Variants in CHLSN observed in about 807,000 individuals in gnomAD.
CHLSN encodes the protein cholesin, also known as protein cholesin.
At chr7:1,002,035 G>T in the CHLSN span, among the ~76,000 whole-genome samples, 1 of 124,282 alleles carries the variant, frequency 8.0e-6, no homozygotes. Flanking sequence ...GGAGTCCTGT[G>T]GGTTAGTGGA....
chr7:1,028,285 G>A, the CHLSN span: 6 of 1,068,742 alleles, frequency 5.6e-6, no homozygotes, highest in African/African-American at 3.4e-5. Context: ...GGTCCCGCGG[G>A]CACGGACGGC....
At chr7:1,044,568 C>A in the CHLSN span, 2 of 150,892 alleles carry the variant, frequency 1.3e-5, no homozygotes, top group African/African-American at 4.8e-5. Context: ...ACACAGGGCC[C>A]GGGCGGCGTG....
the CHLSN span, among the ~76,000 whole-genome samples, chr7:1,048,090 G>A: frequency 6.6e-6 from 1 of 152,140 alleles, no homozygotes; most frequent in African/African-American, 2.4e-5. Context: ...GGGTTCCCGG[G>A]GGTACTGATG....
At chr7:980,654 G>A in the CHLSN span, among the ~76,000 whole-genome samples, 7 of 151,418 alleles carry the variant, frequency 4.6e-5, no homozygotes, top group African/African-American at 1.7e-4. Context: ...AGCCGTTAGA[G>A]GAGTACTGTT....
the CHLSN span, among the ~76,000 whole-genome samples, chr7:1,060,378 G>A: frequency 1.3e-5 from 2 of 152,138 alleles, no homozygotes; most frequent in Non-Finnish European, 2.9e-5. Context: ...TTCTGAAGAC[G>A]GGCGATGTGG....
chr7:1,006,994 CT>C, the CHLSN span, among the ~76,000 whole-genome samples: 4 of 152,228 alleles, frequency 2.6e-5, no homozygotes, highest in Non-Finnish European at 5.9e-5. Context: ...TGTGGGGATG[CT>C]GCCCAGCCTG....
chr7:1,066,326 C>T, the CHLSN span, among the ~76,000 whole-genome samples: 1 of 152,226 alleles, frequency 6.6e-6, no homozygotes, highest in East Asian at 1.9e-4. Context: ...ACCCCCACGC[C>T]GCCTGGACGC....
chr7:1,009,266 G>C, the CHLSN span, among the ~76,000 whole-genome samples: 4 of 152,276 alleles, frequency 2.6e-5, no homozygotes, highest in Admixed American at 2.6e-4. Context: ...CCCAGTTCTT[G>C]TCTCTGAGGA....
chr7:1,131,435 C>A, the CHLSN span, among the ~76,000 whole-genome samples: 1 of 152,282 alleles, frequency 6.6e-6, no homozygotes, highest in South Asian at 2.1e-4. Flanking sequence ...AAAGGCAGAG[C>A]CTGCACAAGG....
the CHLSN span, among the ~76,000 whole-genome samples, chr7:1,100,726 C>G: frequency 6.6e-6 from 1 of 152,234 alleles, no homozygotes; most frequent in East Asian, 1.9e-4. Context: ...TCACTGTCCC[C>G]TCTGCCTCCC....
chr7:1,099,128 C>T, the CHLSN span, among the ~76,000 whole-genome samples: 1 of 138,408 alleles, frequency 7.2e-6, no homozygotes, highest in African/African-American at 2.7e-5. Flanking sequence ...CGCGTTCCTG[C>T]AGCCGGCCTC....
the CHLSN span, among the ~76,000 whole-genome samples, chr7:1,119,393 G>A: frequency 2.3e-3 from 355 of 152,242 alleles, 1 homozygote; most frequent in Non-Finnish European, 4.0e-3. Flanking sequence ...CAAAAGCACC[G>A]GCAACAAAAG....
the CHLSN span, among the ~76,000 whole-genome samples, chr7:1,108,479 C>G: frequency 2.0e-5 from 3 of 152,220 alleles, no homozygotes; most frequent in African/African-American, 7.2e-5. Context: ...CTCCACGAAT[C>G]TCACGGCCCA....
chr7:1,127,845 G>A, the CHLSN span, among the ~76,000 whole-genome samples: 15 of 77,020 alleles, frequency 1.9e-4, 1 homozygote, highest in East Asian at 2.8e-3. Context: ...GCACAATCTC[G>A]GCTCATCCCA....
the CHLSN span, chr7:986,940 CCTT>C: frequency 3.0e-6 from 4 of 1,326,218 alleles, no homozygotes; most frequent in Non-Finnish European, 4.0e-6. Flanking sequence ...GCCTCAGTCT[CCTT>C]GTCTGTGAAA....
chr7:1,105,831 G>A, the CHLSN span, among the ~76,000 whole-genome samples: 2 of 152,112 alleles, frequency 1.3e-5, no homozygotes, highest in Non-Finnish European at 2.9e-5. Flanking sequence ...TAATGGGTGT[G>A]TTTTACTTTT....
At chr7:992,054 T>C in the CHLSN span, among the ~76,000 whole-genome samples, 6 of 152,168 alleles carry the variant, frequency 3.9e-5, no homozygotes, top group African/African-American at 1.4e-4. Flanking sequence ...GATGCCTCTG[T>C]GGACATCCAC....
chr7:1,057,700 C>T, the CHLSN span: 1,390 of 774,642 alleles, frequency 1.8e-3, 3 homozygotes, highest in Non-Finnish European at 2.8e-3. Context: ...ATGACCATGC[C>T]GGACGTGTAC....
chr7:1,092,101 G>A, the CHLSN span: 4 of 1,613,724 alleles, frequency 2.5e-6, no homozygotes, highest in Non-Finnish European at 3.4e-6. Context: ...GCGGTACTAC[G>A]ACATCGCCGT....
Sources: gnomAD v4.1 joint callset for allele counts (sites outside exome capture counted in the v4.1 genomes callset) on GRCh38, gnomAD v4.1.1 for gene constraint, MANE v1.5 for transcripts, NCBI Gene and HGNC (gene_info 2026-07-23, HGNC 2026-07-21) for gene names.